The following CREB5 variants were observed in gnomAD, a reference collection of about 807,000 sequenced individuals.
The protein encoded by CREB5 is cAMP responsive element binding protein 5, also known as cyclic AMP-responsive element-binding protein 5.
A neutral mutation model predicts 57.1 loss-of-function variants in CREB5; 19 were observed. The observed-to-expected ratio is 0.33, with a 90% confidence interval of 0.23 to 0.49. CREB5 has a LOEUF of 0.49. CREB5 is among the 20% of genes least tolerant of loss of function. The probability of loss-of-function intolerance (pLI) is 0.99; values close to 1 mark genes in which losing one functional copy is unlikely to be tolerated. For synonymous variants in CREB5, 238 were observed against 238.3 expected (o/e 1.00, Z 0.01); for missense variants, 579 against 671.6 (o/e 0.86, Z 1.52).
At chr7:28,301,484 A>G (rs1785097585) in intron 1 of CREB5, among the ~76,000 whole-genome samples, 1 of 152,218 alleles carries the variant, frequency 6.6e-6, no homozygotes, top group African/African-American at 2.4e-5. Context: ...TGCAATTCTA[A>G]CAAACTCTGA....
At chr7:28,553,324 C>G (rs1018664232) in intron 4 of CREB5, among the ~76,000 whole-genome samples, 3 of 152,184 alleles carry the variant, frequency 2.0e-5, no homozygotes, top group African/African-American at 7.2e-5. Flanking sequence ...TTCATGGATG[C>G]CTTGTGTTGC....
At chr7:28,339,565 G>T (rs1308318610) in intron 1 of CREB5, among the ~76,000 whole-genome samples, 1 of 152,056 alleles carries the variant, frequency 6.6e-6, no homozygotes, top group Non-Finnish European at 1.5e-5. Flanking sequence ...CCACTACTTG[G>T]GCTGTGCTGG....
At chr7:28,809,757 A>C (rs184754434) in intron 9 of CREB5, among the ~76,000 whole-genome samples, 1 of 152,216 alleles carries the variant, frequency 6.6e-6, no homozygotes, top group Non-Finnish European at 1.5e-5. Context: ...CTTCCTCTAC[A>C]GAATGGGAAT....
intron 4 of CREB5, among the ~76,000 whole-genome samples, chr7:28,517,030 A>C (rs986939266): frequency 2.6e-5 from 4 of 152,202 alleles, no homozygotes; most frequent in Admixed American, 6.5e-5. Context: ...GCATGCAGGA[A>C]AACAGATCTG....
chr7:28,423,860 G>A lies in CREB5; in HGVS notation c.3+10943G>A, dbSNP rs148132760. 9.8e-5 allele frequency among the ~76,000 whole-genome samples: 15 copies of A among 152,314 alleles called. No individual in the cohort carries two copies. The East Asian group carries it at 1.2e-3, about 12-fold the overall frequency. ...GAAAGGCACCCCCTCCTCCCAGGGC[G>A]ACCACATCTCTGGCACTCAGTGGGT... On this transcript the variant is annotated intron_variant, in intron 1 of 10. Coordinates refer to ENST00000357727, the MANE Select transcript of CREB5 (RefSeq NM_182898.4).
intron 7 of CREB5, among the ~76,000 whole-genome samples, chr7:28,752,316 G>A (rs186860980): frequency 1.2e-4 from 18 of 152,194 alleles, no homozygotes; most frequent in Admixed American, 2.0e-4. Flanking sequence ...ACAGGTGTCC[G>A]CTACCACACC....
intron 3 of CREB5, among the ~76,000 whole-genome samples, chr7:28,504,454 G>T (rs1036416240): frequency 6.6e-6 from 1 of 152,100 alleles, no homozygotes; most frequent in Non-Finnish European, 1.5e-5. Context: ...AGGCCCTTGG[G>T]GGGTTTACAG....
At chr7:28,330,013 G>C (rs1313104616) in intron 1 of CREB5, among the ~76,000 whole-genome samples, 1 of 152,238 alleles carries the variant, frequency 6.6e-6, no homozygotes, top group African/African-American at 2.4e-5. Flanking sequence ...CAGCAGCTAA[G>C]CAGCTCCATG....
chr7:28,560,937 C>CGTGCGTGTGT lies in CREB5; in HGVS notation c.292-9404_292-9395dup, dbSNP rs56073790. On this transcript the variant is annotated intron_variant, in intron 4 of 10. Transcript: ENST00000357727. ...GTGCGTGTGTGCGCGTGCGTGTGTG[C>CGTGCGTGTGT]GTGCGTGTGTGTGCGTGTGTGTGCG... is the stretch of plus-strand genomic sequence containing the variant. 4.5e-4 allele frequency among the ~76,000 whole-genome samples: 16 copies of CGTGCGTGTGT among 35,544 alleles called. 4 individuals are homozygous for CGTGCGTGTGT. Among genetic ancestry groups the CGTGCGTGTGT allele is most frequent in the Non-Finnish European group, 7.7e-4 (14 of 18,264 alleles). The allele number at this position is 35,544 out of a possible 152,430, so 23.3% of individuals were successfully genotyped here.
chr7:28,374,842 T>A (rs2127994680), intron 1 of CREB5, among the ~76,000 whole-genome samples: 1 of 152,290 alleles, frequency 6.6e-6, no homozygotes, highest in South Asian at 2.1e-4. Flanking sequence ...CATGCCCAGG[T>A]AGCCCTTGAT....
At chr7:28,775,637 T>G (rs1484818999) in intron 7 of CREB5, among the ~76,000 whole-genome samples, 3 of 150,842 alleles carry the variant, frequency 2.0e-5, no homozygotes, top group African/African-American at 7.3e-5. Context: ...TGAGTGATTT[T>G]GGGGGGGTTC....
At chr7:28,646,950 T>C (rs1366103957) in intron 5 of CREB5, among the ~76,000 whole-genome samples, 1 of 152,022 alleles carries the variant, frequency 6.6e-6, no homozygotes, top group Non-Finnish European at 1.5e-5. Context: ...GACTAACCTG[T>C]AAAAGATGTT....
chr7:28,734,206 C>CAAAAAAAA (rs61403862), intron 7 of CREB5, among the ~76,000 whole-genome samples: 4 of 96,428 alleles, frequency 4.1e-5, no homozygotes, highest in Admixed American at 3.6e-4. Flanking sequence ...TTCAGTAGTT[C>CAAAAAAAA]AAAAAAAAAA....
intron 7 of CREB5, among the ~76,000 whole-genome samples, chr7:28,786,296 G>A (rs911439122): frequency 4.6e-5 from 7 of 152,146 alleles, no homozygotes; most frequent in African/African-American, 1.7e-4. Flanking sequence ...ACCCAGGCTG[G>A]AGCGCAGTGA....
intron 5 of CREB5, among the ~76,000 whole-genome samples, chr7:28,712,912 A>G (rs959636585): frequency 6.6e-6 from 1 of 152,166 alleles, no homozygotes; most frequent in African/African-American, 2.4e-5. Context: ...CCACTTCTTA[A>G]GATTTAAGAG....
chr7:28,565,146 C>T (rs984759943), intron 4 of CREB5, among the ~76,000 whole-genome samples: 3 of 152,200 alleles, frequency 2.0e-5, no homozygotes, highest in Non-Finnish European at 2.9e-5. Flanking sequence ...CATTTGGAAA[C>T]ATTTGAGCCA....
chr7:28,767,373 T>C (rs1272769972), intron 7 of CREB5, among the ~76,000 whole-genome samples: 1 of 152,210 alleles, frequency 6.6e-6, no homozygotes, highest in South Asian at 2.1e-4. Flanking sequence ...TTAGCCAGCC[T>C]CTCTTGAGTT....
At chr7:28,682,185 A>G (rs1800630503) in intron 5 of CREB5, among the ~76,000 whole-genome samples, 1 of 152,186 alleles carries the variant, frequency 6.6e-6, no homozygotes, top group Non-Finnish European at 1.5e-5. Context: ...CCAAGGGCAG[A>G]TCACTCCCTT....
At chr7:28,752,892 ATTT>A (rs36000233) in intron 7 of CREB5, among the ~76,000 whole-genome samples, 4 of 144,510 alleles carry the variant, frequency 2.8e-5, no homozygotes, top group African/African-American at 5.1e-5. Context: ...TTCTAAAGGG[ATTT>A]TTTTTTTTTT....
Sources: allele counts gnomAD v4.1 joint callset (sites outside exome capture counted in the v4.1 genomes callset), GRCh38; gene constraint gnomAD v4.1.1; transcripts MANE v1.5; gene names NCBI Gene and HGNC (gene_info 2026-07-23, HGNC 2026-07-21).